Variants in NFASC observed in about 807,000 individuals in gnomAD.
NFASC encodes the protein neurofascin, also known as neurofascin homolog.
NFASC carries 43 observed loss-of-function variants against 147.5 expected under a neutral mutation model. The ratio of observed to expected loss-of-function variants is 0.29; its 90% CI spans 0.23 to 0.38. The LOEUF (loss-of-function observed/expected upper bound fraction) is 0.38, where lower values mean the gene tolerates loss of function less well. Ranked by LOEUF, NFASC falls within the 10% of genes least tolerant of loss-of-function variation. The pLI is 1.00. For missense variants in NFASC, 1,320 were observed against 1,689.0 expected (o/e 0.78, Z 3.83); for synonymous variants, 622 against 665.5 (o/e 0.93, Z 1.01).
intron 1 of NFASC, among the ~76,000 whole-genome samples, chr1:204,850,169 A>C (rs2075550564): frequency 1.3e-5 from 2 of 152,200 alleles, no homozygotes; most frequent in African/African-American, 2.4e-5. Flanking sequence ...TTCATTAGAA[A>C]ATTCTGTGAG....
chr1:205,008,808 CG>C (rs59354456), intron 27 of NFASC: 5 of 153,244 alleles, frequency 3.3e-5, no homozygotes, highest in East Asian at 1.9e-4. Context: ...CACAGACCAC[CG>C]GGGGGGTCAC....
rs11240319 is a variant in NFASC at position 204,970,771 on chromosome 1, T to C, written c.1135+24T>C. On this transcript the variant is annotated intron_variant, in intron 11 of 29. Transcript: ENST00000339876. ...ATGTAAGTAGCGAGCTGTTGTCCCA[T>C]CTGACTCTCATCTCTCTGCTGTCAA... is the stretch of plus-strand genomic sequence containing the variant. The C allele has an allele frequency of 0.015, 24,647 of 1,613,912 alleles. 1,233 individuals carry two copies. In the African/African-American group the frequency reaches 0.17, roughly 11 times the overall value.
At chr1:204,872,240 A>G (rs2077849526) in intron 1 of NFASC, among the ~76,000 whole-genome samples, 2 of 152,166 alleles carry the variant, frequency 1.3e-5, no homozygotes, top group South Asian at 4.1e-4. Context: ...GCACAAAGCA[A>G]ACGGTACAGT....
At position 205,001,228 on chromosome 1, in the gene NFASC, C is replaced by T; in HGVS notation, c.3078C>T (p.Asn1026=). 6.2e-7 allele frequency: 1 copy of T among 1,612,992 alleles called. No homozygotes were observed. Among genetic ancestry groups the T allele is most frequent in the Non-Finnish European group, 8.5e-7 (1 of 1,179,482 alleles). Residue 1026 remains asparagine (N), a synonymous_variant, in exon 26 of 30, where the codon AAC becomes AAT. Transcript: ENST00000339876. ...TGCTCCCCAACAGTAAATGGGCCAA[C>T]ATCACCTGGAAGCACAATTTCGGGC... is the stretch of plus-strand genomic sequence containing the variant. The part of the protein sequence containing the change: ...VTVLPNSKWA[N]ITWKHNFGPG...
chr1:204,923,779 T>C (rs1248468945), intron 2 of NFASC, among the ~76,000 whole-genome samples: 1 of 151,536 alleles, frequency 6.6e-6, no homozygotes, highest in African/African-American at 2.4e-5. Context: ...CACCGAGACC[T>C]GTAGGGTAAG....
intron 14 of NFASC, 29 bp downstream of exon 14, chr1:204,974,852 T>A (rs757457707): frequency 8.7e-6 from 14 of 1,609,450 alleles, no homozygotes; most frequent in Non-Finnish European, 1.2e-5. Flanking sequence ...CAGTGGGAGT[T>A]TGGAGAGGGA....
In NFASC at chr1:205,002,682, T is replaced by C. The variant is rs766829054; in HGVS notation, c.3223T>C (p.Leu1075=). Residue 1075 remains leucine, a synonymous_variant, in exon 27 of 30, where the codon TTG becomes CTG. Transcript: ENST00000339876. ...CCTCTATCCCGGGATGACATACACGTTGCGGGTTTATTCCCGGGACAACGA... is the reference window on the plus strand; with the variant it reads ...CCTCTATCCCGGGATGACATACACGCTGCGGGTTTATTCCCGGGACAACGA... ...TDLYPGMTYT[L]RVYSRDNEGI... is the part of the protein sequence containing the mutation. The C allele has an allele frequency of 5.0e-6, 8 of 1,586,418 alleles. No individual in the cohort carries two copies. In the East Asian group the frequency reaches 1.8e-4, roughly 36 times the overall value.
intron 3 of NFASC, chr1:204,946,587 G>C (rs1042638216): frequency 4.3e-6 from 2 of 460,976 alleles, no homozygotes; most frequent in Non-Finnish European, 8.8e-6. Flanking sequence ...GGCCACCGAA[G>C]ATGACAGGGG....
chr1:205,007,657 G>A (rs2096151043), intron 27 of NFASC, among the ~76,000 whole-genome samples: 2 of 152,152 alleles, frequency 1.3e-5, no homozygotes, highest in Admixed American at 1.3e-4. Context: ...TCTCTAGGAG[G>A]TGCCAGTTGC....
At chr1:204,933,018 G>A (rs1242256375) in intron 2 of NFASC, among the ~76,000 whole-genome samples, 2 of 152,172 alleles carry the variant, frequency 1.3e-5, no homozygotes, top group Non-Finnish European at 2.9e-5. Flanking sequence ...AAAGCATTTG[G>A]GGTTGGTGGT....
intron 1 of NFASC, among the ~76,000 whole-genome samples, chr1:204,843,596 CT>C (rs1676002497): frequency 1.2e-5 from 1 of 85,300 alleles, no homozygotes; most frequent in African/African-American, 6.1e-5. Flanking sequence ...TTCTTCCTTC[CT>C]TCCTTCCTTC....
At chr1:204,942,320 G>T (rs183571085) in intron 2 of NFASC, among the ~76,000 whole-genome samples, 21 of 152,286 alleles carry the variant, frequency 1.4e-4, no homozygotes, top group African/African-American at 5.1e-4. Flanking sequence ...GCAAAAGTCA[G>T]TAAGCAAGAC....
chr1:204,997,385 G>A lies in NFASC; in HGVS notation c.2998G>A (p.Gly1000Arg), dbSNP rs544368955. 4.3e-5 allele frequency: 66 copies of A among 1,552,452 alleles called. No individual in the cohort carries two copies. In the East Asian group the frequency reaches 8.8e-4, roughly 21 times the overall value. The change falls in exon 25 of 30, where the codon GGG becomes AGG. Residue 1000 changes from glycine to arginine, a missense_variant. Transcript: ENST00000339876. ...TTESPPTTTS[G>R]TKIHESAPDE... ...GGAGAGTCCTCCCACCACCACCTCC[G>A]GGACTAAGATACACGAATCCGGTAC...
At chr1:204,862,994 GC>G (rs2076795877) in intron 1 of NFASC, among the ~76,000 whole-genome samples, 1 of 152,204 alleles carries the variant, frequency 6.6e-6, no homozygotes, top group Admixed American at 6.5e-5. Context: ...TGGATGTGGT[GC>G]TTTTCCTCCT....
chr1:204,903,902 C>T (rs920155806), intron 1 of NFASC, among the ~76,000 whole-genome samples: 3 of 152,132 alleles, frequency 2.0e-5, no homozygotes, highest in African/African-American at 7.2e-5. Flanking sequence ...TTATCTTTCA[C>T]AGGGTTGTAG....
Position 204,954,965 on chromosome 1 carries a change from G to A in NFASC, c.535+14G>A, listed in dbSNP as rs1352214101. ...GGATGAGCAGCTGTGAGTCTTGGGG[G>A]CCTGGTGTTGTGTTTATATCTTAAC... On this transcript the variant is annotated intron_variant, in intron 7 of 29. Coordinates refer to ENST00000339876, the MANE Select transcript of NFASC (RefSeq NM_001005388.3). The surrounding 1 kb of genome is among the most constrained non-coding windows in gnomAD (Gnocchi z 5.7). 1.9e-6 allele frequency: 3 copies of A among 1,613,404 alleles called. No homozygotes were observed. Among genetic ancestry groups the A allele is most frequent in the South Asian group, 1.1e-5 (1 of 91,056 alleles).
intron 16 of NFASC, 52 bp downstream of exon 16, chr1:204,976,847 A>G (rs1011367327): frequency 1.9e-6 from 3 of 1,583,618 alleles, no homozygotes; most frequent in Admixed American, 1.8e-5. Flanking sequence ...CCTCCCCAGC[A>G]GCCAGAGAAG....
rs74138642 is a variant in NFASC, at chr1:204,871,479, G to A, written c.-200+42697G>A. Among the ~76,000 whole-genome samples, 878 of 152,302 alleles carry A rather than the reference G, an allele frequency of 5.8e-3. 9 individuals are homozygous for A. Among genetic ancestry groups the A allele is most frequent in the African/African-American group, 0.019 (800 of 41,542 alleles). ...AGAGGAGGGAGACTCAGTGTTGTGC[G>A]TCTAATTGTGAAGCCTGTGTTAACT... On this transcript the variant is annotated intron_variant, in intron 1 of 29. Transcript: ENST00000339876.
At chr1:204,904,157 G>C (rs911406884) in intron 1 of NFASC, among the ~76,000 whole-genome samples, 3 of 152,150 alleles carry the variant, frequency 2.0e-5, no homozygotes, top group Non-Finnish European at 4.4e-5. Flanking sequence ...TGGAGTGCAG[G>C]TACAATTTTG....
Sources: gnomAD v4.1 joint callset for allele counts (sites outside exome capture counted in the v4.1 genomes callset) on GRCh38, gnomAD v4.1.1 for gene constraint, Gnocchi (gnomAD v3.1) non-coding constraint, MANE v1.5 for transcripts, NCBI Gene and HGNC (gene_info 2026-07-23, HGNC 2026-07-21) for gene names.